DLG2: variants seen among roughly 807,000 people sequenced by gnomAD.
The protein encoded by DLG2 is discs large MAGUK scaffold protein 2.
DLG2 carries 45 observed loss-of-function variants against 132.5 expected under a neutral mutation model. That is an observed-to-expected ratio of 0.34 (90% CI 0.27 to 0.44). The LOEUF (loss-of-function observed/expected upper bound fraction) is 0.44, where lower values mean the gene tolerates loss of function less well. Ranked by LOEUF, DLG2 falls within the 20% of genes least tolerant of loss-of-function variation. The pLI is 1.00. For missense variants in DLG2, 1,045 were observed against 1,196.9 expected, an observed-to-expected ratio of 0.87 and a Z score of 1.87; for synonymous variants, 424 against 419.6, an observed-to-expected ratio of 1.01 and a Z score of -0.13.
chr11:84,273,310 A>T, intron 7 of DLG2: 6 of 1,255,730 alleles, frequency 4.8e-6, no homozygotes, highest in East Asian at 3.1e-5. Context: ...GAAGAGGAAA[A>T]AAAAAAAAAA....
At chr11:84,112,293 C>T (rs1350346992) in intron 9 of DLG2, among the ~76,000 whole-genome samples, 2 of 149,150 alleles carry the variant, frequency 1.3e-5, no homozygotes, top group Non-Finnish European at 3.0e-5. Context: ...CCACCGCATC[C>T]GGCCTTTTTT....
intron 2 of DLG2, among the ~76,000 whole-genome samples, chr11:85,622,519 T>C (rs926828350): frequency 1.3e-5 from 2 of 149,034 alleles, no homozygotes; most frequent in Non-Finnish European, 3.0e-5. Flanking sequence ...ATTAGTAAGA[T>C]ACTATAAAAC....
chr11:85,383,559 G>A (rs1187679648), intron 3 of DLG2, among the ~76,000 whole-genome samples: 1 of 152,044 alleles, frequency 6.6e-6, no homozygotes, highest in Non-Finnish European at 1.5e-5. Flanking sequence ...CATCAAAACG[G>A]CTCCTTACTA....
At chr11:85,039,471 A>G (rs626275) in intron 6 of DLG2, among the ~76,000 whole-genome samples, 2 of 151,936 alleles carry the variant, frequency 1.3e-5, no homozygotes, top group Non-Finnish European at 2.9e-5. Flanking sequence ...CCCTAGTTGT[A>G]TAAGCTTAAG....
At chr11:83,575,534 G>T (rs1303412268) in intron 19 of DLG2, among the ~76,000 whole-genome samples, 1 of 152,190 alleles carries the variant, frequency 6.6e-6, no homozygotes, top group Admixed American at 6.5e-5. Context: ...GCATCTGTGT[G>T]CATGAAGAAA....
At chr11:84,555,881 C>A (rs1052589212) in intron 6 of DLG2, among the ~76,000 whole-genome samples, 1 of 152,136 alleles carries the variant, frequency 6.6e-6, no homozygotes, top group East Asian at 1.9e-4. Flanking sequence ...AGGGAGAGGG[C>A]AAAAGTTGGG....
At chr11:84,222,238 G>C (rs968020279) in intron 8 of DLG2, among the ~76,000 whole-genome samples, 1 of 152,036 alleles carries the variant, frequency 6.6e-6, no homozygotes, top group Non-Finnish European at 1.5e-5. Context: ...CACCATGTTG[G>C]CCAGTCTGAT....
chr11:85,436,548 C>T (rs954813261), intron 3 of DLG2, among the ~76,000 whole-genome samples: 1 of 152,044 alleles, frequency 6.6e-6, no homozygotes, highest in Non-Finnish European at 1.5e-5. Flanking sequence ...AGCCAACAAA[C>T]ATGAAAAAAA....
chr11:85,354,926 A>G (rs901694185), intron 3 of DLG2, among the ~76,000 whole-genome samples: 43 of 152,178 alleles, frequency 2.8e-4, no homozygotes, highest in African/African-American at 8.7e-4. Context: ...ATAAATTAAA[A>G]AAAAAACAGA....
At chr11:83,901,577 C>T (rs566412778) in intron 15 of DLG2, among the ~76,000 whole-genome samples, 3 of 152,308 alleles carry the variant, frequency 2.0e-5, no homozygotes, top group African/African-American at 7.2e-5. Flanking sequence ...ATGTGCCTTT[C>T]ACCTTCTGCC....
intron 19 of DLG2, among the ~76,000 whole-genome samples, chr11:83,553,424 A>G (rs2096439087): frequency 6.6e-6 from 1 of 151,838 alleles, no homozygotes; most frequent in Admixed American, 6.6e-5. Flanking sequence ...GTGAAGATTA[A>G]TGAATTATAG....
intron 6 of DLG2, among the ~76,000 whole-genome samples, chr11:85,010,564 T>C (rs1445650904): frequency 6.6e-6 from 1 of 152,224 alleles, no homozygotes; most frequent in East Asian, 1.9e-4. Context: ...AACTGTACCT[T>C]TTCTTCTAGT....
At chr11:85,043,459 TCATTA>T (rs2062044104) in intron 6 of DLG2, among the ~76,000 whole-genome samples, 1 of 151,802 alleles carries the variant, frequency 6.6e-6, no homozygotes, top group Non-Finnish European at 1.5e-5. Flanking sequence ...ACTTAACCTA[TCATTA>T]CATTAAATAA....
intron 15 of DLG2, among the ~76,000 whole-genome samples, chr11:83,920,578 G>A (rs1214208627): frequency 2.0e-5 from 3 of 151,944 alleles, no homozygotes; most frequent in African/African-American, 7.3e-5. Context: ...TCAGCCTGAG[G>A]TATCTATTGG....
intron 6 of DLG2, among the ~76,000 whole-genome samples, chr11:84,659,353 C>T (rs1309543221): frequency 1.3e-5 from 2 of 152,022 alleles, no homozygotes; most frequent in Non-Finnish European, 2.9e-5. Flanking sequence ...TGCTATAATG[C>T]CTTTTCAAGA....
rs575952557 is a variant in DLG2 at position 85,570,041 on chromosome 11, G to C, written c.40+28616C>G. ...GGGGCATGGGTTGAAAAACTACCTA[G>C]TAGTTACTACGCTCACTACCTGGGT... On this transcript the variant is annotated intron_variant, in intron 3 of 27. Coordinates refer to ENST00000376104, the MANE Select transcript of DLG2 (RefSeq NM_001142699.3). 1.2e-4 allele frequency among the ~76,000 whole-genome samples: 18 copies of C among 152,232 alleles called. 2 individuals are homozygous for C. Among genetic ancestry groups the C allele is most frequent in the Admixed American group, 9.2e-4 (14 of 15,284 alleles).
intron 8 of DLG2, among the ~76,000 whole-genome samples, chr11:84,201,454 G>T (rs897026275): frequency 1.3e-5 from 2 of 152,114 alleles, no homozygotes; most frequent in African/African-American, 4.8e-5. Flanking sequence ...GATGATGCTG[G>T]CCTCATAGAA....
intron 6 of DLG2, among the ~76,000 whole-genome samples, chr11:84,745,573 T>A (rs766941700): frequency 2.0e-5 from 3 of 152,160 alleles, no homozygotes; most frequent in Non-Finnish European, 4.4e-5. Flanking sequence ...TGCAGCAATA[T>A]GAGAATGGCC....
At chr11:83,663,759 C>T (rs898308167) in intron 18 of DLG2, among the ~76,000 whole-genome samples, 2 of 152,274 alleles carry the variant, frequency 1.3e-5, no homozygotes, top group South Asian at 4.1e-4. Flanking sequence ...AGTAAGAATA[C>T]CTCAGAGGTT....
Sources: allele counts gnomAD v4.1 joint callset (sites outside exome capture counted in the v4.1 genomes callset), GRCh38; gene constraint gnomAD v4.1.1; transcripts MANE v1.5; gene names NCBI Gene and HGNC (gene_info 2026-07-23, HGNC 2026-07-21).